The following ZFYVE16 variants were observed in gnomAD, a reference collection of about 807,000 sequenced individuals.
ZFYVE16 encodes the protein zinc finger FYVE domain-containing protein 16.
A neutral mutation model predicts 138.1 loss-of-function variants in ZFYVE16; 89 were observed. The observed-to-expected ratio is 0.64, with a 90% confidence interval of 0.54 to 0.77. The LOEUF is 0.77. ZFYVE16 is among the 30% of genes least tolerant of loss of function. The pLI is 0.00. For missense variants in ZFYVE16, 1,793 were observed against 1,786.7 expected (o/e 1.00, Z -0.06); for synonymous variants, 596 against 618.3 (o/e 0.96, Z 0.53).
rs1220623511 is a variant in ZFYVE16 at position 80,427,533 on chromosome 5, T to C, written c.-52T>C. 6.6e-6 allele frequency: 1 copy of C among 150,980 alleles called. No individual in the cohort carries two copies. Among genetic ancestry groups the C allele is most frequent in the Non-Finnish European group, 1.5e-5 (1 of 67,792 alleles). 9.4% of individuals were successfully genotyped at this position (150,980 alleles called of 1,614,324 possible). A position where few individuals can be genotyped will look rare whatever the true frequency, so the allele number is the denominator to read the frequency against. On this transcript the variant is annotated 5_prime_UTR_variant, in exon 2 of 19. Transcript: ENST00000505560. ...TCGGGCTTATTTGGTGGAGTTTCTGTTCCAGACCAGAGGTTCGTCTACTTT... is the reference window on the plus strand; with the variant it reads ...TCGGGCTTATTTGGTGGAGTTTCTGCTCCAGACCAGAGGTTCGTCTACTTT...
chr5:80,424,466 C>T (rs1580133331), intron 1 of ZFYVE16, among the ~76,000 whole-genome samples: 2 of 144,872 alleles, frequency 1.4e-5, no homozygotes, highest in Non-Finnish European at 1.5e-5. Context: ...CTCCAAATTC[C>T]TTTTTTTTTT....
chr5:80,449,847 A>G, intron 9 of ZFYVE16, 134 bp downstream of exon 9: 2 of 1,018,464 alleles, frequency 2.0e-6, no homozygotes, highest in South Asian at 3.5e-5. Flanking sequence ...GCCACATATG[A>G]CTGTAAATAA....
Position 80,478,191 on chromosome 5 carries a change from T to C in ZFYVE16, c.*814T>C, listed in dbSNP as rs1755081881. 6.6e-6 allele frequency: 1 copy of C among 152,064 alleles called. No individual in the cohort carries two copies. The highest frequency in any genetic ancestry group is 2.4e-5 in the African/African-American group (1 of 41,440). 9.4% of individuals were successfully genotyped at this position (152,064 alleles called of 1,614,324 possible). A position where few individuals can be genotyped will look rare whatever the true frequency, so the allele number is the denominator to read the frequency against. ...TTTTTTTCCTCCTTTCCTTCCAAAC[T>C]ATACCACTGTATTTACCACTTCTAA... On this transcript the variant is annotated 3_prime_UTR_variant, in exon 19 of 19. Transcript: ENST00000505560.
chr5:80,427,482 T>C lies in ZFYVE16; in HGVS notation c.-93-10T>C, dbSNP rs1226646345. 1 of 152,116 alleles carries C rather than the reference T, an allele frequency of 6.6e-6. No homozygotes were observed. Among genetic ancestry groups the C allele is most frequent in the Non-Finnish European group, 1.5e-5 (1 of 68,028 alleles). 9.4% of individuals were successfully genotyped at this position (152,116 alleles called of 1,614,324 possible). ...TGTCCTTTTGATATTATCCCATTACTTATTGACAGATTCCTGTGAGGTTTC... is the reference window on the plus strand; with the variant it reads ...TGTCCTTTTGATATTATCCCATTACCTATTGACAGATTCCTGTGAGGTTTC... On this transcript the variant is annotated splice_polypyrimidine_tract_variant and intron_variant, in intron 1 of 18. Transcript: ENST00000505560.
intron 2 of ZFYVE16, among the ~76,000 whole-genome samples, chr5:80,433,370 A>T (rs1182895944): frequency 6.6e-6 from 1 of 152,200 alleles, no homozygotes; most frequent in Non-Finnish European, 1.5e-5. Flanking sequence ...TCTCACTCGT[A>T]GTTGGGAATT....
rs1580389025 is a variant in ZFYVE16, at chr5:80,477,932, G to T, written c.*555G>T. The stretch of plus-strand genomic sequence containing the variant: ...TCCATAATTAGATAAACTCTTTTTG[G>T]ATTATAATCAGAATTTTGCCTTTTT... On this transcript the variant is annotated 3_prime_UTR_variant, in exon 19 of 19. Transcript: ENST00000505560. 1 of 151,956 alleles carries T rather than the reference G, an allele frequency of 6.6e-6. No homozygotes were observed. Among genetic ancestry groups the T allele is most frequent in the Middle Eastern group, 3.4e-3 (1 of 294 alleles). 9.4% of individuals were successfully genotyped at this position (151,956 alleles called of 1,614,324 possible).
At chr5:80,419,365 A>G (rs2112199812) in intron 1 of ZFYVE16, among the ~76,000 whole-genome samples, 1 of 151,798 alleles carries the variant, frequency 6.6e-6, no homozygotes, top group Admixed American at 6.6e-5. Flanking sequence ...GCGTGAGCCA[A>G]CCATGCCTGG....
chr5:80,417,883 A>G (rs1035405487), intron 1 of ZFYVE16, among the ~76,000 whole-genome samples: 1 of 152,198 alleles, frequency 6.6e-6, no homozygotes, highest in Non-Finnish European at 1.5e-5. Context: ...TAAGTTTTGT[A>G]AGAGACCGCC....
At chr5:80,451,779 C>T (rs1390591811) in intron 11 of ZFYVE16, 70 bp downstream of exon 11, 3 of 1,394,052 alleles carry the variant, frequency 2.2e-6, no homozygotes, top group Non-Finnish European at 3.0e-6. Context: ...TTCAGGGAAT[C>T]ATTAAAATCA....
chr5:80,417,070 C>G lies in ZFYVE16; in HGVS notation c.-94+8917C>G, dbSNP rs150185317. ...TATCTTCCTCCCCTGCCATAACCTCCTCCTTCAACAGGGAGAAACTTGGCT... is the reference window on the plus strand; with the variant it reads ...TATCTTCCTCCCCTGCCATAACCTCGTCCTTCAACAGGGAGAAACTTGGCT... On this transcript the variant is annotated intron_variant, in intron 1 of 18. Transcript: ENST00000505560. Among the ~76,000 whole-genome samples, 932 of 152,322 alleles carry G rather than the reference C, an allele frequency of 6.1e-3. 10 individuals carry two copies. Among genetic ancestry groups the G allele is most frequent in the African/African-American group, 0.021 (860 of 41,570 alleles).
intron 15 of ZFYVE16, among the ~76,000 whole-genome samples, chr5:80,459,743 TCTGCCTAAACA>T (rs1469786613): frequency 6.6e-6 from 1 of 152,174 alleles, no homozygotes; most frequent in African/African-American, 2.4e-5. Context: ...TGTATATACA[TCTGCCTAAACA>T]ACATATTGTT....
intron 1 of ZFYVE16, among the ~76,000 whole-genome samples, chr5:80,426,214 G>A (rs1435944330): frequency 2.1e-5 from 3 of 145,214 alleles, no homozygotes. Flanking sequence ...GTGTGTGTGT[G>A]TGTGTGTGTG....
chr5:80,418,192 T>G (rs1746533369), intron 1 of ZFYVE16, among the ~76,000 whole-genome samples: 1 of 151,666 alleles, frequency 6.6e-6, no homozygotes, highest in East Asian at 1.9e-4. Flanking sequence ...TTTCCTTTCC[T>G]TTCCCCTCTT....
In ZFYVE16 at chr5:80,448,140, G is replaced by A. The variant is rs1318948392; in HGVS notation, c.2839G>A (p.Val947Met). Residue 947 changes from valine (V) to methionine (M), a missense_variant, in exon 8 of 19, where the codon GTG becomes ATG. Coordinates refer to ENST00000505560, the MANE Select transcript of ZFYVE16 (RefSeq NM_001284236.3). ...IQSPISQVPS[V>M]EKLSMNTGNE... ...GAGTCCTATTTCTCAGGTTCCATCA[G>A]TGGAAAAATTGTCTATGAACACAGG... The A allele has an allele frequency of 6.2e-7, 1 of 1,613,956 alleles. No homozygotes were observed. The highest frequency in any genetic ancestry group is 8.5e-7 in the Non-Finnish European group (1 of 1,179,938).
In ZFYVE16 at chr5:80,474,706, C is replaced by T. The variant is rs754435397; in HGVS notation, c.4337C>T (p.Thr1446Ile). 6.2e-7 allele frequency: 1 copy of T among 1,613,820 alleles called. No homozygotes were observed. Among genetic ancestry groups the T allele is most frequent in the Admixed American group, 1.7e-5 (1 of 59,982 alleles). Residue 1446 changes from threonine to isoleucine, a missense_variant, in exon 18 of 19, where the codon ACT (threonine) becomes ATT (isoleucine). Physicochemically the swap from Thr to Ile is moderately conservative, Grantham distance 89 (BLOSUM62 -1). Around this residue, in one of 2 missense-constraint regions of ZFYVE16, gnomAD observed 498 missense variants for 582.4 expected, o/e 0.86. Transcript: ENST00000505560. Reference sequence around the variant, plus strand: ...GACCAGGATTTATCTATTTTATCAACTTCTTATCAGTTTGCAAAAGAAATA... The same window carrying T: ...GACCAGGATTTATCTATTTTATCAATTTCTTATCAGTTTGCAAAAGAAATA... ...LKDQDLSILS[T>I]SYQFAKEIAM... is the part of the protein sequence containing the mutation.
chr5:80,460,164 C>T (rs1479833536), intron 15 of ZFYVE16, among the ~76,000 whole-genome samples: 1 of 152,084 alleles, frequency 6.6e-6, no homozygotes, highest in Non-Finnish European at 1.5e-5. Flanking sequence ...TATTATCAGA[C>T]TGCTTAATTT....
chr5:80,415,497 T>G (rs945621000), intron 1 of ZFYVE16, among the ~76,000 whole-genome samples: 2 of 152,186 alleles, frequency 1.3e-5, no homozygotes, highest in Non-Finnish European at 2.9e-5. Context: ...CATTCCTTGT[T>G]TTTGATGCTC....
At chr5:80,412,397 A>G (rs191487627) in intron 1 of ZFYVE16, among the ~76,000 whole-genome samples, 1 of 152,290 alleles carries the variant, frequency 6.6e-6, no homozygotes, top group East Asian at 1.9e-4. Flanking sequence ...AAAAGGGAGT[A>G]TATCTTATAT....
rs1754515079 is a variant in ZFYVE16 at position 80,472,797 on chromosome 5, A to G, written c.4061A>G (p.Asn1354Ser). ...GTACAAATAACTCCAGAGACCATGA[A>G]TGGCTTGCGGCTAGCTTTACGAGAA... ...LMVQITPETM[N>S]GLRLALREQK... Residue 1354 changes from asparagine to serine, a missense_variant, in exon 16 of 19, where the codon AAT becomes AGT. Asn to Ser is a conservative substitution (Grantham distance 46). Around this residue, in one of 2 missense-constraint regions of ZFYVE16, gnomAD observed 498 missense variants for 582.4 expected, o/e 0.86. Coordinates refer to ENST00000505560, the MANE Select transcript of ZFYVE16 (RefSeq NM_001284236.3). 5 of 1,613,926 alleles carry G rather than the reference A, an allele frequency of 3.1e-6. No individual in the cohort carries two copies. The Admixed American group carries it at 8.3e-5, about 27-fold the overall frequency.
Sources: gnomAD v4.1 joint callset for allele counts (sites outside exome capture counted in the v4.1 genomes callset) on GRCh38, gnomAD v4.1.1 for gene constraint, gnomAD v4.1.1 regional missense constraint, MANE v1.5 for transcripts, NCBI Gene and HGNC (gene_info 2026-07-23, HGNC 2026-07-21) for gene names.